Variants in CELF1 observed in about 807,000 individuals in gnomAD.
CELF1 encodes the protein CUGBP Elav-like family member 1.
Under a neutral mutation model 61.8 loss-of-function variants are expected in CELF1, and 10 were observed. That is an observed-to-expected ratio of 0.16 (90% CI 0.10 to 0.27). The LOEUF (loss-of-function observed/expected upper bound fraction) is 0.27. Among genes scored for constraint, CELF1 ranks in the 10% least tolerant of loss-of-function variants. The probability of loss-of-function intolerance (pLI) is 1.00; values close to 1 mark genes in which losing one functional copy is unlikely to be tolerated. For synonymous variants in CELF1, 236 were observed against 225.1 expected, an observed-to-expected ratio of 1.05 and a Z score of -0.43; for missense variants, 380 against 639.1, an observed-to-expected ratio of 0.59 and a Z score of 4.37.
chr11:47,494,619 ATGTT>A (rs2092699727), intron 3 of CELF1: 1 of 364,064 alleles, frequency 2.7e-6, no homozygotes, highest in African/African-American at 2.2e-5. Context: ...GGCAGCACAA[ATGTT>A]CTATTCCAAA....
intron 10 of CELF1, 58 bp downstream of exon 10, chr11:47,478,819 G>T: frequency 7.3e-7 from 1 of 1,373,080 alleles, no homozygotes. Context: ...CAAGACTGTT[G>T]TTAGCTGGGT....
At chr11:47,503,080 T>C (rs2094124380) in intron 1 of CELF1, among the ~76,000 whole-genome samples, 2 of 152,140 alleles carry the variant, frequency 1.3e-5, no homozygotes, top group Non-Finnish European at 2.9e-5. Context: ...GAGCAACAAT[T>C]CAAAGCCTGA....
chr11:47,553,220 G>T, upstream of CELF1: 1 of 387,540 alleles, frequency 2.6e-6, no homozygotes. Context: ...GTATCACCGC[G>T]GCGCCGCCCG....
intron 1 of CELF1, among the ~76,000 whole-genome samples, chr11:47,539,248 T>C (rs2096714437): frequency 6.6e-6 from 1 of 152,186 alleles, no homozygotes; most frequent in Non-Finnish European, 1.5e-5. Flanking sequence ...AAACTCATAA[T>C]CTTGATCTGG....
At chr11:47,537,104 T>C (rs2096647758) in intron 1 of CELF1, among the ~76,000 whole-genome samples, 1 of 152,202 alleles carries the variant, frequency 6.6e-6, no homozygotes, top group African/African-American at 2.4e-5. Flanking sequence ...CTGCCAGCAA[T>C]ATCAGATTAT....
chr11:47,468,379 T>C lies in CELF1; in HGVS notation c.*3851A>G, dbSNP rs115779652. On this transcript the variant is annotated 3_prime_UTR_variant, in exon 15 of 15. Coordinates refer to ENST00000687097, the MANE Select transcript of CELF1 (RefSeq NM_001376376.1). ...AGCCCCACAGACTGTATCAGCAAAATGTGCTCAGGAGCCTCAGAGGTTTTA... is the reference window on the plus strand; with the variant it reads ...AGCCCCACAGACTGTATCAGCAAAACGTGCTCAGGAGCCTCAGAGGTTTTA... 6.0e-4 allele frequency: 92 copies of C among 152,542 alleles called. No homozygotes were observed. The highest frequency in any genetic ancestry group is 2.1e-3 in the African/African-American group (88 of 41,552). 9.4% of individuals were successfully genotyped at this position (152,542 alleles called of 1,614,324 possible).
chr11:47,499,154 G>A (rs1181265255), intron 3 of CELF1, among the ~76,000 whole-genome samples: 2 of 152,098 alleles, frequency 1.3e-5, no homozygotes, highest in Non-Finnish European at 2.9e-5. Context: ...AAAATACCTT[G>A]TAATCTATCA....
At chr11:47,547,405 C>T (rs778386724) in intron 1 of CELF1, among the ~76,000 whole-genome samples, 1 of 152,058 alleles carries the variant, frequency 6.6e-6, no homozygotes, top group Non-Finnish European at 1.5e-5. Flanking sequence ...GGGCTGGGCA[C>T]GGTGGTTCAT....
At chr11:47,512,815 T>C (rs76148580) in intron 1 of CELF1, among the ~76,000 whole-genome samples, 3 of 152,286 alleles carry the variant, frequency 2.0e-5, no homozygotes, top group Non-Finnish European at 2.9e-5. Context: ...AACTCCATGT[T>C]CACCTACTCT....
At chr11:47,501,661 TC>T (rs769317890) in intron 1 of CELF1, among the ~76,000 whole-genome samples, 7 of 146,802 alleles carry the variant, frequency 4.8e-5, no homozygotes, top group Admixed American at 6.8e-5. Flanking sequence ...CTAAAAAATA[TC>T]AAAAAAAAAA....
chr11:47,547,993 T>C (rs986305264), intron 1 of CELF1, among the ~76,000 whole-genome samples: 6 of 152,020 alleles, frequency 3.9e-5, no homozygotes, highest in African/African-American at 1.4e-4. Flanking sequence ...TGTCACTGAA[T>C]TATACACTTA....
rs1188143066 is a variant in CELF1 at position 47,466,089 on chromosome 11, T to G, written c.*6141A>C. 1 of 152,144 alleles carries G rather than the reference T, an allele frequency of 6.6e-6. No individual in the cohort carries two copies. Among genetic ancestry groups the G allele is most frequent in the African/African-American group, 2.4e-5 (1 of 41,442 alleles). The allele number at this position is 152,144 out of a possible 1,614,324, so 9.4% of individuals were successfully genotyped here. On this transcript the variant is annotated 3_prime_UTR_variant, in exon 15 of 15. Transcript: ENST00000687097. ...AAAACACACAAAAAAAGGAAGGAGA[T>G]TCCTTTGAAACACATACTCCCTTGC...
intron 1 of CELF1, among the ~76,000 whole-genome samples, chr11:47,520,590 T>C (rs917236936): frequency 8.6e-5 from 13 of 151,232 alleles, no homozygotes; most frequent in Admixed American, 6.6e-4. Flanking sequence ...GGCAGATCAC[T>C]TGAGCTCAGG....
intron 3 of CELF1, among the ~76,000 whole-genome samples, chr11:47,490,420 T>A (rs1046613347): frequency 6.8e-6 from 1 of 147,868 alleles, no homozygotes; most frequent in Non-Finnish European, 1.5e-5. Context: ...CCAAACAACA[T>A]GCTAGTTTTT....
At chr11:47,503,143 T>C (rs1164598395) in intron 1 of CELF1, among the ~76,000 whole-genome samples, 1 of 152,082 alleles carries the variant, frequency 6.6e-6, no homozygotes, top group Non-Finnish European at 1.5e-5. Context: ...ACCCAAATCA[T>C]TAAAAGTGAT....
intron 9 of CELF1, among the ~76,000 whole-genome samples, chr11:47,481,102 C>CTTTTTTTTTTTTTTTTT (rs1187959061): frequency 2.5e-4 from 18 of 71,420 alleles, no homozygotes; most frequent in African/African-American, 4.6e-4. Context: ...TTTTCTTCTT[C>CTTTTTTTTTTTTTTTTT]TTTTTTTTTT....
At chr11:47,510,714 T>G (rs1295028107) in intron 1 of CELF1, among the ~76,000 whole-genome samples, 1 of 152,174 alleles carries the variant, frequency 6.6e-6, no homozygotes, top group Non-Finnish European at 1.5e-5. Context: ...CTTGAACTCC[T>G]GGGCTCAAGC....
rs942887698 is a variant in CELF1 at position 47,499,624 on chromosome 11, C to A, written c.-81-20G>T. ...AGCTTCCTGGGCCCCACAAAAAACACAAAGTGGAAACAGGAGCTCAGGGAA... is the reference window on the plus strand; with the variant it reads ...AGCTTCCTGGGCCCCACAAAAAACAAAAAGTGGAAACAGGAGCTCAGGGAA... On this transcript the variant is annotated intron_variant, in intron 2 of 14. Coordinates refer to ENST00000687097, the MANE Select transcript of CELF1 (RefSeq NM_001376376.1). 7 of 926,852 alleles carry A rather than the reference C, an allele frequency of 7.6e-6. No homozygotes were observed. The highest frequency in any genetic ancestry group is 5.0e-5 in the African/African-American group (3 of 60,256). The allele number at this position is 926,852 out of a possible 1,614,324, so 57.4% of individuals were successfully genotyped here.
chr11:47,565,083 A>G (rs2097240598), intron 1 of CELF1, among the ~76,000 whole-genome samples: 1 of 151,948 alleles, frequency 6.6e-6, no homozygotes, highest in Non-Finnish European at 1.5e-5. Flanking sequence ...GAAAGCTCTA[A>G]GCCCTTCCAC....
Sources: gnomAD v4.1 joint callset for allele counts (sites outside exome capture counted in the v4.1 genomes callset) on GRCh38, gnomAD v4.1.1 for gene constraint, MANE v1.5 for transcripts, NCBI Gene and HGNC (gene_info 2026-07-23, HGNC 2026-07-21) for gene names.